The following GRID1 variants were observed in gnomAD, a reference collection of about 807,000 sequenced individuals.
GRID1 encodes the protein glutamate receptor ionotropic, delta-1.
In GRID1, 28 loss-of-function variants were observed where a neutral mutation model predicts 98.0. The ratio of observed to expected loss-of-function variants is 0.29; its 90% CI spans 0.21 to 0.39. The LOEUF (loss-of-function observed/expected upper bound fraction) is 0.39, where lower values mean the gene tolerates loss of function less well. Ranked by LOEUF, GRID1 falls within the 10% of genes least tolerant of loss-of-function variation. The pLI, the probability that GRID1 is intolerant of heterozygous loss-of-function variation, is 1.00. For missense variants in GRID1, 1,111 were observed against 1,340.5 expected (o/e 0.83, Z 2.67); for synonymous variants, 553 against 538.5 (o/e 1.03, Z -0.37).
intron 4 of GRID1, among the ~76,000 whole-genome samples, chr10:85,993,988 G>A (rs746453510): frequency 6.6e-6 from 1 of 152,140 alleles, no homozygotes; most frequent in African/African-American, 2.4e-5. Context: ...TATGGAGCAG[G>A]TGCCCCTTCC....
At chr10:85,922,110 T>A (rs551547703) in intron 4 of GRID1, among the ~76,000 whole-genome samples, 1 of 152,340 alleles carries the variant, frequency 6.6e-6, no homozygotes, top group East Asian at 1.9e-4. Context: ...CCTTTGGTCA[T>A]GCTGCTCTCT....
At chr10:86,044,695 G>A (rs954850205) in intron 4 of GRID1, among the ~76,000 whole-genome samples, 4 of 152,232 alleles carry the variant, frequency 2.6e-5, no homozygotes, top group Admixed American at 1.3e-4. Flanking sequence ...GTATGTGGCA[G>A]GGGAAGAGAG....
chr10:85,743,112 C>CCCT (rs996159286), intron 8 of GRID1, among the ~76,000 whole-genome samples: 3 of 131,940 alleles, frequency 2.3e-5, no homozygotes, highest in Admixed American at 7.7e-5. Flanking sequence ...GCAGCCCCCC[C>CCCT]CCCCACCACC....
At chr10:85,867,232 A>C (rs1843229536) in intron 6 of GRID1, among the ~76,000 whole-genome samples, 1 of 152,090 alleles carries the variant, frequency 6.6e-6, no homozygotes, top group South Asian at 2.1e-4. Context: ...CCCTGCTCTA[A>C]CCTTTGCAGA....
chr10:85,923,199 C>A (rs917286944), intron 4 of GRID1, among the ~76,000 whole-genome samples: 1 of 152,074 alleles, frequency 6.6e-6, no homozygotes, highest in South Asian at 2.1e-4. Flanking sequence ...AAGTCCAAGG[C>A]CCCCACCCTT....
chr10:86,044,859 C>T (rs1843399632), intron 4 of GRID1, among the ~76,000 whole-genome samples: 1 of 152,186 alleles, frequency 6.6e-6, no homozygotes, highest in Non-Finnish European at 1.5e-5. Context: ...GTGTAGACTG[C>T]CGAACTGGAT....
At chr10:85,928,094 C>T (rs1841800604) in intron 4 of GRID1, among the ~76,000 whole-genome samples, 1 of 152,132 alleles carries the variant, frequency 6.6e-6, no homozygotes, top group Non-Finnish European at 1.5e-5. Context: ...GCTGGATAGG[C>T]TCAATGAGGA....
chr10:85,847,043 G>A lies in GRID1; in HGVS notation c.1233+7453C>T, dbSNP rs1349257999. ...ACAAGCTGAACACAAGCATCTGAGA[G>A]AGAAATTCTGCCAATGTTACCTACG... is the stretch of plus-strand genomic sequence containing the variant. On this transcript the variant is annotated intron_variant, in intron 8 of 15. Coordinates refer to ENST00000327946, the MANE Select transcript of GRID1 (RefSeq NM_017551.3). Among the ~76,000 whole-genome samples the A allele has an allele frequency of 7.2e-5, 11 of 152,282 alleles. No homozygotes were observed. In the South Asian group the frequency reaches 2.3e-3, roughly 32 times the overall value.
At chr10:85,763,059 T>C (rs921872090) in intron 8 of GRID1, among the ~76,000 whole-genome samples, 5 of 152,212 alleles carry the variant, frequency 3.3e-5, no homozygotes, top group Non-Finnish European at 7.4e-5. Flanking sequence ...AAAGTCCTCC[T>C]GTGGTCAGAG....
At chr10:85,854,115 G>A (rs1372632784) in intron 8 of GRID1, among the ~76,000 whole-genome samples, 1 of 152,128 alleles carries the variant, frequency 6.6e-6, no homozygotes, top group Non-Finnish European at 1.5e-5. Context: ...CACTCAGGCT[G>A]TAACCTCTGC....
intron 12 of GRID1, among the ~76,000 whole-genome samples, chr10:85,706,196 T>G (rs1841516021): frequency 6.6e-6 from 1 of 152,208 alleles, no homozygotes; most frequent in Non-Finnish European, 1.5e-5. Context: ...ATGACATGAT[T>G]GTGTATCTAG....
chr10:85,714,763 G>A (rs946726001), intron 12 of GRID1, among the ~76,000 whole-genome samples: 2 of 151,992 alleles, frequency 1.3e-5, no homozygotes, highest in South Asian at 4.1e-4. Flanking sequence ...TAAATGGAAA[G>A]ATGTCCTATA....
At chr10:86,089,414 G>A (rs995940609) in intron 4 of GRID1, among the ~76,000 whole-genome samples, 1 of 152,100 alleles carries the variant, frequency 6.6e-6, no homozygotes, top group African/African-American at 2.4e-5. Context: ...ACAATAATGA[G>A]ACAGCAACCC....
intron 5 of GRID1, among the ~76,000 whole-genome samples, chr10:85,898,240 A>C (rs1020472676): frequency 5.9e-5 from 9 of 152,226 alleles, no homozygotes; most frequent in African/African-American, 2.2e-4. Flanking sequence ...TGAAAGATAA[A>C]AAATTGTACA....
chr10:86,213,345 C>T (rs986635552), intron 2 of GRID1, among the ~76,000 whole-genome samples: 1 of 152,110 alleles, frequency 6.6e-6, no homozygotes, highest in Non-Finnish European at 1.5e-5. Flanking sequence ...GGGCTCCCCA[C>T]GCTGACACAT....
intron 3 of GRID1, among the ~76,000 whole-genome samples, chr10:86,158,169 G>A (rs955550639): frequency 6.6e-5 from 10 of 152,180 alleles, no homozygotes; most frequent in Non-Finnish European, 1.0e-4. Context: ...TAAGCACCTT[G>A]ACAGAGGGGA....
intron 4 of GRID1, among the ~76,000 whole-genome samples, chr10:86,015,274 A>C (rs987004449): frequency 1.3e-5 from 2 of 152,244 alleles, no homozygotes; most frequent in African/African-American, 4.8e-5. Flanking sequence ...GTCAGCCAAA[A>C]AGGAATAATG....
intron 8 of GRID1, among the ~76,000 whole-genome samples, chr10:85,806,316 G>A (rs1842622721): frequency 6.6e-6 from 1 of 152,102 alleles, no homozygotes; most frequent in African/African-American, 2.4e-5. Flanking sequence ...CCAAGTGTTG[G>A]TAAGAAAGTG....
intron 4 of GRID1, among the ~76,000 whole-genome samples, chr10:85,939,923 TG>T (rs1480717422): frequency 6.6e-6 from 1 of 151,828 alleles, no homozygotes; most frequent in Non-Finnish European, 1.5e-5. Context: ...AAAAATTAGC[TG>T]GGCATGGTGG....
Sources: allele counts gnomAD v4.1 joint callset (sites outside exome capture counted in the v4.1 genomes callset), GRCh38; gene constraint gnomAD v4.1.1; transcripts MANE v1.5; gene names NCBI Gene and HGNC (gene_info 2026-07-23, HGNC 2026-07-21).